Variants in ADGRD1 observed in about 807,000 individuals in gnomAD.
ADGRD1 encodes G-protein coupled receptor 133.
In ADGRD1, 77 loss-of-function variants were observed where a neutral mutation model predicts 113.4. The ratio of observed to expected loss-of-function variants is 0.68; its 90% CI spans 0.57 to 0.82. The LOEUF (loss-of-function observed/expected upper bound fraction) is 0.82, where lower values mean the gene tolerates loss of function less well. ADGRD1 is among the 40% of genes least tolerant of loss of function. ADGRD1 has a pLI of 0.00. For synonymous variants in ADGRD1, 474 were observed against 475.0 expected (o/e 1.00, Z 0.03); for missense variants, 1,036 against 1,139.1 (o/e 0.91, Z 1.30).
At chr12:131,093,205 G>A (rs949775935) in intron 15 of ADGRD1, among the ~76,000 whole-genome samples, 10 of 152,294 alleles carry the variant, frequency 6.6e-5, no homozygotes, top group African/African-American at 2.4e-4. Flanking sequence ...AGTCCCACCT[G>A]GTGGTTATGT....
chr12:131,100,972 C>T (rs565661765), intron 15 of ADGRD1, among the ~76,000 whole-genome samples: 6 of 152,218 alleles, frequency 3.9e-5, no homozygotes, highest in African/African-American at 1.4e-4. Context: ...TCTCCCCTGA[C>T]GCCTTCAGCA....
At chr12:131,043,389 CA>C (rs1474628920) in intron 13 of ADGRD1, among the ~76,000 whole-genome samples, 1 of 152,240 alleles carries the variant, frequency 6.6e-6, no homozygotes, top group Non-Finnish European at 1.5e-5. Context: ...CCTGGACTGA[CA>C]GGGGTGAAAA....
intron 23 of ADGRD1, among the ~76,000 whole-genome samples, chr12:131,137,349 C>A (rs1382248196): frequency 6.6e-6 from 1 of 152,222 alleles, no homozygotes; most frequent in Admixed American, 6.5e-5. Flanking sequence ...GACTTCTGTC[C>A]ACGGGAGCTG....
At chr12:131,086,171 G>A (rs775877023) in intron 15 of ADGRD1, among the ~76,000 whole-genome samples, 10 of 152,226 alleles carry the variant, frequency 6.6e-5, no homozygotes, top group Non-Finnish European at 1.0e-4. Flanking sequence ...CGTCCGCAGT[G>A]TCTGCACTGG....
intron 15 of ADGRD1, among the ~76,000 whole-genome samples, chr12:131,100,121 T>A (rs899845750): frequency 3.3e-5 from 5 of 151,242 alleles, no homozygotes; most frequent in African/African-American, 1.2e-4. Context: ...TAGGTTGGTT[T>A]ATGATGCATT....
In ADGRD1 at chr12:130,954,694, T is replaced by C. The variant is rs10848261; in HGVS notation, c.103+34T>C. On this transcript the variant is annotated intron_variant, in intron 2 of 24. Transcript: ENST00000261654. The surrounding 1 kb of genome is among the most constrained non-coding windows in gnomAD (Gnocchi z 4.7). ...GTTTCCTTCTCACTCTGAGCACCGC[T>C]CTCCCCCTGCCTAGTGCAGGTATCT... 757,119 of 1,595,896 alleles carry C rather than the reference T, an allele frequency of 0.47. 181,656 individuals carry two copies. The highest frequency in any genetic ancestry group is 0.55 in the Admixed American group (32,724 of 59,958).
intron 20 of ADGRD1, among the ~76,000 whole-genome samples, chr12:131,126,908 TG>T (rs1950749078): frequency 6.6e-6 from 1 of 152,012 alleles, no homozygotes; most frequent in Non-Finnish European, 1.5e-5. Context: ...ATGAGTGAAA[TG>T]GAGTGAGGGG....
At chr12:130,996,653 G>T (rs1248654222) in intron 8 of ADGRD1, among the ~76,000 whole-genome samples, 3 of 101,840 alleles carry the variant, frequency 2.9e-5, no homozygotes, top group African/African-American at 8.5e-5. Flanking sequence ...TGGCCGGGCG[G>T]GGGGCTGACC....
At chr12:131,123,547 C>T (rs978594683) in intron 20 of ADGRD1, among the ~76,000 whole-genome samples, 11 of 151,442 alleles carry the variant, frequency 7.3e-5, no homozygotes, top group East Asian at 4.0e-4. Context: ...TCAGGCTGGG[C>T]GCGGTGGCTC....
chr12:131,002,715 T>G, intron 9 of ADGRD1: 1 of 1,233,650 alleles, frequency 8.1e-7, no homozygotes. Context: ...CAGCCAGAGA[T>G]AGCTCTGGGT....
At chr12:131,048,101 C>T (rs933822113) in intron 13 of ADGRD1, among the ~76,000 whole-genome samples, 1 of 152,214 alleles carries the variant, frequency 6.6e-6, no homozygotes, top group Non-Finnish European at 1.5e-5. Context: ...AAAGGCCCTT[C>T]AACCCTGAAA....
At chr12:130,973,741 G>A (rs575217253) in intron 4 of ADGRD1, among the ~76,000 whole-genome samples, 26 of 152,268 alleles carry the variant, frequency 1.7e-4, no homozygotes, top group African/African-American at 5.8e-4. Context: ...TTGTGTCATG[G>A]TTAAGCAGAA....
At chr12:131,035,975 T>G (rs1031269706) in intron 13 of ADGRD1, among the ~76,000 whole-genome samples, 1 of 152,214 alleles carries the variant, frequency 6.6e-6, no homozygotes, top group Non-Finnish European at 1.5e-5. Flanking sequence ...ATTATACCAC[T>G]ACTAAGGTTC....
At chr12:131,121,070 G>A (rs1051169483) in intron 20 of ADGRD1, among the ~76,000 whole-genome samples, 157 bp downstream of exon 20, 5 of 152,226 alleles carry the variant, frequency 3.3e-5, no homozygotes, top group Non-Finnish European at 7.3e-5. Context: ...CTGGGCCAGT[G>A]ACTGAGGGTC....
chr12:131,123,421 G>A (rs1301950922), intron 20 of ADGRD1, among the ~76,000 whole-genome samples: 3 of 152,042 alleles, frequency 2.0e-5, no homozygotes, highest in Admixed American at 6.6e-5. Flanking sequence ...GAATCTTCCA[G>A]GTGACTCTCA....
intron 15 of ADGRD1, among the ~76,000 whole-genome samples, chr12:131,087,569 G>T (rs866986079): frequency 6.6e-6 from 1 of 152,258 alleles, no homozygotes; most frequent in Admixed American, 6.5e-5. Flanking sequence ...CTGTTGTGAG[G>T]CTGGTGGGAC....
At chr12:131,013,935 C>G (rs150270690) in intron 12 of ADGRD1, among the ~76,000 whole-genome samples, 1 of 152,190 alleles carries the variant, frequency 6.6e-6, no homozygotes, top group Non-Finnish European at 1.5e-5. Context: ...TTGGTCCTGG[C>G]GTCACACCTT....
intron 9 of ADGRD1, chr12:131,002,796 G>A (rs773271480): frequency 8.1e-7 from 1 of 1,236,770 alleles, no homozygotes; most frequent in East Asian, 5.5e-5. Flanking sequence ...ATCCCAGAGT[G>A]GACCTGGGGG....
At chr12:131,053,842 A>G (rs1187159868) in intron 13 of ADGRD1, among the ~76,000 whole-genome samples, 2 of 152,232 alleles carry the variant, frequency 1.3e-5, no homozygotes, top group Admixed American at 1.3e-4. Context: ...TGTCCAGAGC[A>G]GCACCGATAG....
Sources: gnomAD v4.1 joint callset for allele counts (sites outside exome capture counted in the v4.1 genomes callset) on GRCh38, gnomAD v4.1.1 for gene constraint, Gnocchi (gnomAD v3.1) non-coding constraint, MANE v1.5 for transcripts, NCBI Gene and HGNC (gene_info 2026-07-23, HGNC 2026-07-21) for gene names.